CWC27: variants seen among roughly 807,000 people sequenced by gnomAD.
CWC27 encodes the protein CWC27 spliceosome associated cyclophilin, also known as spliceosome-associated protein CWC27 homolog.
In CWC27, 47 loss-of-function variants were observed where a neutral mutation model predicts 63.6. That is an observed-to-expected ratio of 0.74 (90% CI 0.58 to 0.94). The LOEUF (loss-of-function observed/expected upper bound fraction) is 0.94. CWC27 is among the 40% of genes least tolerant of loss of function. The pLI is 0.00. For missense variants in CWC27, 495 were observed against 554.3 expected (o/e 0.89, Z 1.07); for synonymous variants, 175 against 179.8 (o/e 0.97, Z 0.22).
intron 10 of CWC27, among the ~76,000 whole-genome samples, chr5:64,867,135 A>G (rs535175746): frequency 3.3e-5 from 5 of 152,082 alleles, no homozygotes; most frequent in Non-Finnish European, 7.4e-5. Context: ...ACCATTGTGG[A>G]TATTCCTCCT....
At chr5:64,867,777 A>G (rs1262592848) in intron 10 of CWC27, among the ~76,000 whole-genome samples, 1 of 152,058 alleles carries the variant, frequency 6.6e-6, no homozygotes, top group Non-Finnish European at 1.5e-5. Flanking sequence ...GTACCTAAGC[A>G]TAGTGAGGGT....
intron 2 of CWC27, among the ~76,000 whole-genome samples, chr5:64,776,278 A>G (rs1489925534): frequency 6.6e-6 from 1 of 152,154 alleles, no homozygotes; most frequent in Admixed American, 6.5e-5. Flanking sequence ...TGTTTCTGGT[A>G]AGAAGTTTTG....
At chr5:64,955,221 A>T (rs1748782827) in intron 11 of CWC27, among the ~76,000 whole-genome samples, 1 of 152,164 alleles carries the variant, frequency 6.6e-6, no homozygotes, top group South Asian at 2.1e-4. Flanking sequence ...TTTATATAAC[A>T]TCAACACTTT....
At chr5:64,839,929 CCTAT>C (rs1190895113) in intron 10 of CWC27, among the ~76,000 whole-genome samples, 1 of 152,076 alleles carries the variant, frequency 6.6e-6, no homozygotes, top group Non-Finnish European at 1.5e-5. Flanking sequence ...CCTGACACAT[CCTAT>C]AAAGGGACAT....
chr5:64,988,520 T>G (rs925190288), intron 13 of CWC27, among the ~76,000 whole-genome samples: 4 of 152,198 alleles, frequency 2.6e-5, no homozygotes, highest in Non-Finnish European at 4.4e-5. Context: ...TTAGTCTTGT[T>G]CTCAATGCAT....
chr5:64,955,708 G>A (rs1217303969), intron 11 of CWC27, among the ~76,000 whole-genome samples: 1 of 151,822 alleles, frequency 6.6e-6, no homozygotes, highest in East Asian at 1.9e-4. Context: ...TGGTCTGGTT[G>A]GTCTAGGCAG....
At chr5:64,794,511 A>G (rs529757438) in intron 7 of CWC27, among the ~76,000 whole-genome samples, 66 of 152,244 alleles carry the variant, frequency 4.3e-4, no homozygotes, top group African/African-American at 1.5e-3. Flanking sequence ...TGTTTAGATC[A>G]TACTTGCAGC....
chr5:65,015,379 A>T (rs1192897754), intron 13 of CWC27, among the ~76,000 whole-genome samples: 1 of 152,220 alleles, frequency 6.6e-6, no homozygotes, highest in Non-Finnish European at 1.5e-5. Context: ...TATTAATAAG[A>T]CAGTAAGTTT....
chr5:64,809,534 A>G (rs1024150971), intron 10 of CWC27, among the ~76,000 whole-genome samples: 1 of 151,976 alleles, frequency 6.6e-6, no homozygotes, highest in Non-Finnish European at 1.5e-5. Context: ...CGCCAGGCTA[A>G]TTTTTTGTAT....
chr5:65,006,960 C>CA (rs1344069727), intron 13 of CWC27, among the ~76,000 whole-genome samples: 1 of 121,116 alleles, frequency 8.3e-6, no homozygotes, highest in African/African-American at 3.1e-5. Context: ...TTTAAAAAGA[C>CA]AGAAAGAAAG....
chr5:64,911,248 T>C (rs1747779950), intron 11 of CWC27, among the ~76,000 whole-genome samples: 1 of 152,238 alleles, frequency 6.6e-6, no homozygotes, highest in Non-Finnish European at 1.5e-5. Context: ...GCTTGGACTG[T>C]AGATTGCTGT....
intron 11 of CWC27, among the ~76,000 whole-genome samples, chr5:64,916,101 A>T (rs1205273348): frequency 6.6e-6 from 1 of 152,232 alleles, no homozygotes; most frequent in Non-Finnish European, 1.5e-5. Flanking sequence ...ACATCCAAAT[A>T]ACCCAAGTTT....
At chr5:64,940,405 G>A (rs1748449904) in intron 11 of CWC27, among the ~76,000 whole-genome samples, 1 of 152,098 alleles carries the variant, frequency 6.6e-6, no homozygotes, top group African/African-American at 2.4e-5. Context: ...GTGAGGCAGC[G>A]CCCCACCCTG....
At chr5:64,771,963 A>G (rs1743273181) in intron 1 of CWC27, among the ~76,000 whole-genome samples, 2 of 152,150 alleles carry the variant, frequency 1.3e-5, no homozygotes. Context: ...TCATTTTTTG[A>G]GCACTTATTA....
intron 10 of CWC27, among the ~76,000 whole-genome samples, chr5:64,869,183 G>T (rs895646946): frequency 5.3e-5 from 8 of 151,876 alleles, no homozygotes; most frequent in African/African-American, 1.9e-4. Flanking sequence ...ATCTCATTTT[G>T]GTTTAATGAA....
At chr5:64,860,343 A>G (rs1746366283) in intron 10 of CWC27, among the ~76,000 whole-genome samples, 1 of 152,222 alleles carries the variant, frequency 6.6e-6, no homozygotes, top group South Asian at 2.1e-4. Context: ...TATAGTAAAC[A>G]AAACACAAAA....
At chr5:64,982,346 C>T (rs1159530867) in intron 13 of CWC27, among the ~76,000 whole-genome samples, 1 of 151,932 alleles carries the variant, frequency 6.6e-6, no homozygotes, top group East Asian at 1.9e-4. Context: ...TTTTTTGAGA[C>T]AGAGTCTCAC....
chr5:64,975,618 C>T (rs911933252), intron 12 of CWC27, among the ~76,000 whole-genome samples: 3 of 152,092 alleles, frequency 2.0e-5, no homozygotes. Flanking sequence ...CTTCTTCCTG[C>T]CCACAGAGAG....
At chr5:64,801,010 G>GT (rs1397284547) in intron 8 of CWC27, among the ~76,000 whole-genome samples, 1 of 152,030 alleles carries the variant, frequency 6.6e-6, no homozygotes, top group Non-Finnish European at 1.5e-5. Context: ...AAAAGAAATT[G>GT]TTTTTTGCAG....
Sources: allele counts gnomAD v4.1 joint callset (sites outside exome capture counted in the v4.1 genomes callset), GRCh38; gene constraint gnomAD v4.1.1; transcripts MANE v1.5; gene names NCBI Gene and HGNC (gene_info 2026-07-23, HGNC 2026-07-21).